ZFYVE9: variants seen among roughly 807,000 people sequenced by gnomAD.
The protein encoded by ZFYVE9 is zinc finger FYVE domain-containing protein 9.
A neutral mutation model predicts 126.7 loss-of-function variants in ZFYVE9; 43 were observed. The ratio of observed to expected loss-of-function variants is 0.34; its 90% confidence interval spans 0.27 to 0.44. The LOEUF (loss-of-function observed/expected upper bound fraction) is 0.44. Ranked by LOEUF, ZFYVE9 falls within the 20% of genes least tolerant of loss-of-function variation. The probability of loss-of-function intolerance (pLI) is 1.00; values close to 1 mark genes in which losing one functional copy is unlikely to be tolerated. For missense variants in ZFYVE9, 1,476 were observed against 1,697.0 expected, an observed-to-expected ratio of 0.87 and a Z score of 2.29; for synonymous variants, 521 against 597.4, an observed-to-expected ratio of 0.87 and a Z score of 1.87.
chr1:52,246,167 T>C (rs997427377), intron 4 of ZFYVE9, among the ~76,000 whole-genome samples: 10 of 152,182 alleles, frequency 6.6e-5, no homozygotes, highest in Non-Finnish European at 1.5e-4. Flanking sequence ...TGGGCTCTAC[T>C]GATACATCAG....
chr1:52,306,528 C>T (rs1378752562), intron 13 of ZFYVE9, among the ~76,000 whole-genome samples: 1 of 152,258 alleles, frequency 6.6e-6, no homozygotes, highest in East Asian at 1.9e-4. Context: ...AGGACAAGAA[C>T]TCGGGACCTG....
intron 13 of ZFYVE9, among the ~76,000 whole-genome samples, chr1:52,306,281 C>G (rs768457849): frequency 1.3e-5 from 2 of 152,150 alleles, no homozygotes; most frequent in African/African-American, 2.4e-5. Context: ...CAGAGAGGAG[C>G]TGCCCACTCC....
At chr1:52,207,366 T>C (rs1377573217) in intron 1 of ZFYVE9, among the ~76,000 whole-genome samples, 1 of 152,182 alleles carries the variant, frequency 6.6e-6, no homozygotes, top group South Asian at 2.1e-4. Context: ...CTGCTTTTTG[T>C]TTGGTGTGAA....
intron 10 of ZFYVE9, among the ~76,000 whole-genome samples, chr1:52,285,790 C>T (rs1191563465): frequency 6.6e-6 from 1 of 152,140 alleles, no homozygotes; most frequent in African/African-American, 2.4e-5. Context: ...TCCCCTTCCC[C>T]ACAGTCCGTG....
At chr1:52,172,886 T>C (rs1644587178) in intron 1 of ZFYVE9, among the ~76,000 whole-genome samples, 2 of 152,196 alleles carry the variant, frequency 1.3e-5, no homozygotes, top group Admixed American at 1.3e-4. Context: ...GCTTATCAGC[T>C]TAAGGAGATT....
At chr1:52,145,031 A>G (rs1644294820) in intron 1 of ZFYVE9, among the ~76,000 whole-genome samples, 1 of 152,236 alleles carries the variant, frequency 6.6e-6, no homozygotes, top group Non-Finnish European at 1.5e-5. Context: ...GAAGCAGGAT[A>G]CCTTTAATTA....
At chr1:52,156,269 C>T (rs990088071) in intron 1 of ZFYVE9, among the ~76,000 whole-genome samples, 11 of 152,182 alleles carry the variant, frequency 7.2e-5, no homozygotes, top group African/African-American at 2.7e-4. Context: ...CTACAACAAA[C>T]ATACTACATC....
chr1:52,219,966 C>T (rs1010172204), intron 2 of ZFYVE9, among the ~76,000 whole-genome samples: 9 of 151,850 alleles, frequency 5.9e-5, no homozygotes, highest in Non-Finnish European at 8.8e-5. Context: ...TTAGTAGAGA[C>T]GGGGTTTCAC....
chr1:52,311,687 G>A (rs1026472141), intron 13 of ZFYVE9, among the ~76,000 whole-genome samples: 3 of 152,156 alleles, frequency 2.0e-5, no homozygotes, highest in Admixed American at 6.5e-5. Flanking sequence ...CTAGTGTTGT[G>A]TATTAGCCTG....
intron 1 of ZFYVE9, among the ~76,000 whole-genome samples, chr1:52,176,287 A>C (rs1164739517): frequency 6.6e-6 from 1 of 152,236 alleles, no homozygotes; most frequent in African/African-American, 2.4e-5. Flanking sequence ...CCTGGGTATC[A>C]GCAGTGGTGG....
chr1:52,222,491 G>A (rs1645132537), intron 2 of ZFYVE9, among the ~76,000 whole-genome samples: 1 of 152,218 alleles, frequency 6.6e-6, no homozygotes, highest in Admixed American at 6.5e-5. Context: ...AGGGTGGGCG[G>A]TTTGAACTAT....
intron 10 of ZFYVE9, among the ~76,000 whole-genome samples, chr1:52,282,561 T>G (rs901264112): frequency 6.6e-6 from 1 of 152,196 alleles, no homozygotes. Flanking sequence ...ACCGGGGTAT[T>G]AAAACTATTT....
At chr1:52,163,491 C>T (rs1644482067) in intron 1 of ZFYVE9, among the ~76,000 whole-genome samples, 1 of 152,188 alleles carries the variant, frequency 6.6e-6, no homozygotes, top group Admixed American at 6.6e-5. Context: ...TGGTGCTGAC[C>T]TATTTTATTT....
intron 11 of ZFYVE9, among the ~76,000 whole-genome samples, chr1:52,294,144 G>A (rs1645951024): frequency 6.6e-6 from 1 of 152,128 alleles, no homozygotes; most frequent in Non-Finnish European, 1.5e-5. Flanking sequence ...ACTAAGATGT[G>A]ATTTTTAAAA....
chr1:52,154,715 C>A (rs925639312), intron 1 of ZFYVE9, among the ~76,000 whole-genome samples: 3 of 152,094 alleles, frequency 2.0e-5, no homozygotes, highest in African/African-American at 7.2e-5. Context: ...ATATTCTCAC[C>A]CCAGGCCACT....
At chr1:52,150,250 G>A (rs527274997) in intron 1 of ZFYVE9, 11 of 152,342 alleles carry the variant, frequency 7.2e-5, no homozygotes, top group African/African-American at 2.6e-4. Context: ...GACCTCCTGA[G>A]AGGGGGTGAC....
chr1:52,212,490 A>G (rs372010965), intron 1 of ZFYVE9, among the ~76,000 whole-genome samples: 3 of 152,188 alleles, frequency 2.0e-5, no homozygotes, highest in Non-Finnish European at 4.4e-5. Context: ...ATTATGAAGG[A>G]TATATTTTAT....
intron 1 of ZFYVE9, among the ~76,000 whole-genome samples, chr1:52,149,168 T>C (rs1644331915): frequency 1.3e-5 from 2 of 151,776 alleles, no homozygotes; most frequent in Admixed American, 1.3e-4. Context: ...TTTGCCGTGT[T>C]GACCAGGCTG....
intron 4 of ZFYVE9, among the ~76,000 whole-genome samples, chr1:52,251,032 G>T (rs1253939572): frequency 8.4e-6 from 1 of 118,982 alleles, no homozygotes; most frequent in Non-Finnish European, 1.6e-5. Context: ...CGTTTTTGTT[G>T]TTGTTGTTGT....
Sources: allele counts gnomAD v4.1 joint callset (sites outside exome capture counted in the v4.1 genomes callset), GRCh38; gene constraint gnomAD v4.1.1; transcripts MANE v1.5; gene names NCBI Gene and HGNC (gene_info 2026-07-23, HGNC 2026-07-21).